Variants in RBFOX1 observed in about 807,000 individuals in gnomAD.
RBFOX1 encodes RNA binding protein fox-1 homolog 1.
In RBFOX1, 8 loss-of-function variants were observed where a neutral mutation model predicts 57.7. The ratio of observed to expected loss-of-function variants is 0.14; its 90% CI spans 0.08 to 0.25. RBFOX1 has a LOEUF of 0.25. Ranked by LOEUF, RBFOX1 falls within the 10% of genes least tolerant of loss-of-function variation. The pLI, the probability that RBFOX1 is intolerant of heterozygous loss-of-function variation, is 1.00. For synonymous variants in RBFOX1, 326 were observed against 222.4 expected (o/e 1.47, Z -4.15); for missense variants, 611 against 548.5 (o/e 1.11, Z -1.14).
intron 2 of RBFOX1, among the ~76,000 whole-genome samples, chr16:6,370,292 A>G (rs1017123444): frequency 7.6e-4 from 100 of 132,438 alleles, no homozygotes; most frequent in African/African-American, 2.8e-3. Flanking sequence ...CAGGAGGCGG[A>G]GCTTGCAGTG....
chr16:6,132,427 T>C (rs1308265460), intron 1 of RBFOX1, among the ~76,000 whole-genome samples: 1 of 152,224 alleles, frequency 6.6e-6, no homozygotes, highest in African/African-American at 2.4e-5. Context: ...ATGAAGCAGC[T>C]TGAATTCCTG....
At chr16:6,482,467 A>G (rs1210667687) in intron 2 of RBFOX1, among the ~76,000 whole-genome samples, 1 of 152,222 alleles carries the variant, frequency 6.6e-6, no homozygotes, top group East Asian at 1.9e-4. Context: ...CAACAGCAAC[A>G]AAAAAAGTGA....
intron 1 of RBFOX1, among the ~76,000 whole-genome samples, chr16:6,149,562 A>T (rs1312458453): frequency 6.6e-6 from 1 of 152,214 alleles, no homozygotes; most frequent in African/African-American, 2.4e-5. Flanking sequence ...AAATAATGTG[A>T]GTAAGGTGCC....
intron 2 of RBFOX1, among the ~76,000 whole-genome samples, chr16:6,617,528 A>G (rs759282186): frequency 2.0e-5 from 3 of 151,942 alleles, no homozygotes; most frequent in Non-Finnish European, 4.4e-5. Flanking sequence ...CCCTATAGAG[A>G]TGAGATCAAG....
chr16:5,959,168 C>T (rs1452843037), intron 4 of RBFOX1, among the ~76,000 whole-genome samples: 1 of 152,172 alleles, frequency 6.6e-6, no homozygotes, highest in Non-Finnish European at 1.5e-5. Flanking sequence ...TTCCAGTGAG[C>T]ACTGATGCTG....
At chr16:5,716,536 T>C (rs938410519) in intron 3 of RBFOX1, among the ~76,000 whole-genome samples, 1 of 152,216 alleles carries the variant, frequency 6.6e-6, no homozygotes, top group Non-Finnish European at 1.5e-5. Flanking sequence ...GAGTGGTTAT[T>C]ATTAATAAGT....
At chr16:6,000,078 G>C (rs775673897) in intron 4 of RBFOX1, among the ~76,000 whole-genome samples, 18 of 152,020 alleles carry the variant, frequency 1.2e-4, no homozygotes, top group Non-Finnish European at 1.8e-4. Flanking sequence ...TGTCGGAAGA[G>C]AGAAGGGTGT....
intron 3 of RBFOX1, among the ~76,000 whole-genome samples, chr16:6,915,209 C>G (rs186199615): frequency 3.9e-5 from 6 of 152,188 alleles, no homozygotes; most frequent in African/African-American, 7.2e-5. Flanking sequence ...GACCCACTCC[C>G]TTGTTCTCCT....
At chr16:6,796,786 C>A (rs1567285053) in intron 3 of RBFOX1, among the ~76,000 whole-genome samples, 1 of 152,170 alleles carries the variant, frequency 6.6e-6, no homozygotes, top group East Asian at 1.9e-4. Context: ...CCAACTTCTT[C>A]TATGTCCCTC....
At chr16:6,550,701 C>A (rs749139170) in intron 2 of RBFOX1, among the ~76,000 whole-genome samples, 13 of 152,228 alleles carry the variant, frequency 8.5e-5, no homozygotes, top group Non-Finnish European at 1.6e-4. Context: ...TCTTCTTCTG[C>A]ATCCCCACTG....
At chr16:7,394,562 A>G (rs939129599) in intron 4 of RBFOX1, among the ~76,000 whole-genome samples, 8 of 152,112 alleles carry the variant, frequency 5.3e-5, no homozygotes. Context: ...GTTTCCATTT[A>G]TCCATTCCTC....
intron 3 of RBFOX1, among the ~76,000 whole-genome samples, chr16:6,918,592 A>C (rs939104216): frequency 1.3e-5 from 2 of 152,164 alleles, no homozygotes; most frequent in African/African-American, 2.4e-5. Flanking sequence ...GGGACATAAA[A>C]ATGAATTATT....
intron 3 of RBFOX1, among the ~76,000 whole-genome samples, chr16:6,984,605 G>C (rs1357629360): frequency 6.6e-6 from 1 of 152,046 alleles, no homozygotes; most frequent in Admixed American, 6.6e-5. Flanking sequence ...CAGAATCTTA[G>C]CTCTGCCCAG....
chr16:5,300,048 T>C (rs56052106), intron 1 of RBFOX1, among the ~76,000 whole-genome samples: 2,456 of 152,176 alleles, frequency 0.016, 36 homozygotes, highest in Middle Eastern at 0.034. Context: ...TGGGCATATA[T>C]TGAGAAAATT....
At chr16:6,435,922 A>C (rs1033511495) in intron 2 of RBFOX1, among the ~76,000 whole-genome samples, 1 of 152,144 alleles carries the variant, frequency 6.6e-6, no homozygotes, top group African/African-American at 2.4e-5. Flanking sequence ...CTTCTGTTGC[A>C]TCGTTTTCCC....
chr16:7,139,735 G>A (rs544243185), intron 4 of RBFOX1, among the ~76,000 whole-genome samples: 1 of 152,220 alleles, frequency 6.6e-6, no homozygotes, highest in South Asian at 2.1e-4. Context: ...AGAGGTTGAA[G>A]ACTGAGAAAT....
At chr16:6,113,253 G>C (rs962978915) in intron 1 of RBFOX1, among the ~76,000 whole-genome samples, 1 of 152,294 alleles carries the variant, frequency 6.6e-6, no homozygotes, top group African/African-American at 2.4e-5. Flanking sequence ...GGGTGAGGCC[G>C]ATTGCAAAAG....
At chr16:7,320,081 T>A (rs918548613) in intron 4 of RBFOX1, among the ~76,000 whole-genome samples, 1 of 152,138 alleles carries the variant, frequency 6.6e-6, no homozygotes, top group African/African-American at 2.4e-5. Flanking sequence ...AAAAATTAAT[T>A]TTATTGTAAG....
rs551190226 is a variant in RBFOX1 at position 6,093,177 on chromosome 16, CA to C, written c.-127+73187del. On this transcript the variant is annotated intron_variant, in intron 1 of 15. Transcript: ENST00000550418. ...CTTCACTGAGTGGTCTGTAGGTAAA[CA>C]AGCATCTGGAGATGAGTTTAAGTCC... Among the ~76,000 whole-genome samples the C allele has an allele frequency of 2.6e-3, 393 of 152,272 alleles. 4 individuals carry two copies. Among genetic ancestry groups the C allele is most frequent in the Middle Eastern group, 0.01 (3 of 294 alleles).
Sources: gnomAD v4.1 joint callset for allele counts (sites outside exome capture counted in the v4.1 genomes callset) on GRCh38, gnomAD v4.1.1 for gene constraint, MANE v1.5 for transcripts, NCBI Gene and HGNC (gene_info 2026-07-23, HGNC 2026-07-21) for gene names.